The following CBLN2 variants were observed in gnomAD, a reference collection of about 807,000 sequenced individuals.
The protein encoded by CBLN2 is cerebellin-2.
In CBLN2, 7 loss-of-function variants were observed where a neutral mutation model predicts 15.0. The observed-to-expected ratio is 0.47, with a 90% CI of 0.27 to 0.88. The LOEUF (loss-of-function observed/expected upper bound fraction) is 0.88, where lower values mean the gene tolerates loss of function less well. Among genes scored for constraint, CBLN2 ranks in the 40% least tolerant of loss-of-function variants. The pLI is 0.14. For missense variants in CBLN2, 242 were observed against 304.5 expected (o/e 0.79, Z 1.53); for synonymous variants, 149 against 135.2 (o/e 1.10, Z -0.71).
chr18:72,554,177 T>C (rs910237537), intron 1 of CBLN2, among the ~76,000 whole-genome samples: 1 of 152,196 alleles, frequency 6.6e-6, no homozygotes, highest in Non-Finnish European at 1.5e-5. Context: ...CTGTTTTCAT[T>C]ACCCTTTTTT....
chr18:72,616,942 C>T (rs2069666595), intron 1 of CBLN2, among the ~76,000 whole-genome samples: 1 of 151,960 alleles, frequency 6.6e-6, no homozygotes, highest in Non-Finnish European at 1.5e-5. Context: ...ATGGTATTGT[C>T]GAATTAAATC....
intron 1 of CBLN2, among the ~76,000 whole-genome samples, chr18:72,621,663 C>T (rs1185021738): frequency 1.3e-5 from 2 of 152,158 alleles, no homozygotes; most frequent in East Asian, 3.9e-4. Flanking sequence ...TGGTCATTTC[C>T]AGATATTGTT....
chr18:72,621,689 C>G (rs1051770524), intron 1 of CBLN2, among the ~76,000 whole-genome samples: 4 of 152,138 alleles, frequency 2.6e-5, no homozygotes, highest in African/African-American at 9.7e-5. Context: ...TACCCTGAAG[C>G]TTTCGTGAAA....
rs2069076997 is a variant in CBLN2 at position 72,537,855 on chromosome 18, C to T, written c.*321G>A. Reference sequence around the variant, plus strand: ...TTGGGACGACAATACAACATACAAACAAAAGAGGTCCATGGTCCCAACAAT... The same window carrying T: ...TTGGGACGACAATACAACATACAAATAAAAGAGGTCCATGGTCCCAACAAT... On this transcript the variant is annotated 3_prime_UTR_variant, in exon 5 of 5. Coordinates refer to ENST00000269503, the MANE Select transcript of CBLN2 (RefSeq NM_182511.4). The T allele has an allele frequency of 5.3e-6, 2 of 374,468 alleles. No homozygotes were observed. The highest frequency in any genetic ancestry group is 2.1e-5 in the African/African-American group (1 of 48,388). 23.2% of individuals were successfully genotyped at this position (374,468 alleles called of 1,614,324 possible).
intron 1 of CBLN2, among the ~76,000 whole-genome samples, chr18:72,633,222 A>G (rs981769795): frequency 6.6e-6 from 1 of 152,172 alleles, no homozygotes; most frequent in African/African-American, 2.4e-5. Flanking sequence ...CAAATTTTGC[A>G]AAGCAGACTT....
intron 1 of CBLN2, among the ~76,000 whole-genome samples, chr18:72,564,744 A>G (rs1197639575): frequency 6.6e-6 from 1 of 152,188 alleles, no homozygotes; most frequent in African/African-American, 2.4e-5. Flanking sequence ...TAATAAAATG[A>G]TAGCTAAAAA....
chr18:72,634,558 A>T (rs920923908), intron 1 of CBLN2, among the ~76,000 whole-genome samples: 3 of 152,138 alleles, frequency 2.0e-5, no homozygotes, highest in African/African-American at 7.2e-5. Context: ...AAAGGATGTG[A>T]TGGACGTGCA....
chr18:72,634,542 C>A (rs2069799297), intron 1 of CBLN2, among the ~76,000 whole-genome samples: 1 of 151,972 alleles, frequency 6.6e-6, no homozygotes, highest in Admixed American at 6.6e-5. Flanking sequence ...GAGGGAATTA[C>A]AATACAAAGG....
chr18:72,620,341 T>G (rs1371541036), intron 1 of CBLN2: 1 of 151,928 alleles, frequency 6.6e-6, no homozygotes, highest in Non-Finnish European at 1.5e-5. Context: ...TGAAGGATGG[T>G]GAATGTAGAC....
chr18:72,578,765 A>C (rs1599008204), intron 1 of CBLN2, among the ~76,000 whole-genome samples: 1 of 152,202 alleles, frequency 6.6e-6, no homozygotes, highest in African/African-American at 2.4e-5. Flanking sequence ...TTAGTGTGCT[A>C]CCTGCCTAGA....
intron 1 of CBLN2, among the ~76,000 whole-genome samples, chr18:72,620,898 AAAAAG>A (rs1376051003): frequency 6.6e-6 from 1 of 152,210 alleles, no homozygotes; most frequent in African/African-American, 2.4e-5. Context: ...TTCACATTAT[AAAAAG>A]AAAAGTGCTA....
In CBLN2 at chr18:72,537,758, C is replaced by A. The variant is rs949605912; in HGVS notation, c.*418G>T. Reference sequence around the variant, plus strand: ...GTCAAGGACTGTCCAGCAGGTGGTTCTTTGCTGGGCTCCTACTTCAAGCCC... The same window carrying A: ...GTCAAGGACTGTCCAGCAGGTGGTTATTTGCTGGGCTCCTACTTCAAGCCC... On this transcript the variant is annotated 3_prime_UTR_variant, in exon 5 of 5. Coordinates refer to ENST00000269503, the MANE Select transcript of CBLN2 (RefSeq NM_182511.4). The A allele has an allele frequency of 3.8e-6, 1 of 263,886 alleles. No homozygotes were observed. Among genetic ancestry groups the A allele is most frequent in the Admixed American group, 5.1e-5 (1 of 19,606 alleles). The allele number at this position is 263,886 out of a possible 1,614,324, so 16.3% of individuals were successfully genotyped here.
At chr18:72,590,264 C>CA (rs1323174557) in intron 1 of CBLN2, among the ~76,000 whole-genome samples, 1 of 141,066 alleles carries the variant, frequency 7.1e-6, no homozygotes, top group Non-Finnish European at 1.5e-5. Context: ...GACTCCGTCT[C>CA]AAAAAAACAA....
At chr18:72,623,281 C>G (rs775153730) in intron 1 of CBLN2, among the ~76,000 whole-genome samples, 12 of 152,062 alleles carry the variant, frequency 7.9e-5, no homozygotes, top group Non-Finnish European at 1.6e-4. Context: ...AACCATATGA[C>G]CTGGTAAACA....
intron 1 of CBLN2, among the ~76,000 whole-genome samples, chr18:72,615,001 C>A (rs1374395832): frequency 7.0e-6 from 1 of 143,124 alleles, no homozygotes; most frequent in African/African-American, 2.6e-5. Context: ...CATAGGTGGG[C>A]TGTTTGTCAC....
chr18:72,612,242 T>C (rs1317325324), intron 1 of CBLN2, among the ~76,000 whole-genome samples: 2 of 152,218 alleles, frequency 1.3e-5, no homozygotes, highest in African/African-American at 4.8e-5. Flanking sequence ...TGGTTTCACA[T>C]GAATTTTAGA....
chr18:72,568,777 G>A (rs974366645), intron 1 of CBLN2, among the ~76,000 whole-genome samples: 11 of 152,064 alleles, frequency 7.2e-5, no homozygotes, highest in Non-Finnish European at 1.6e-4. Context: ...ATCAGCCATG[G>A]TAATATTTAT....
chr18:72,549,949 C>A (rs370150811), intron 1 of CBLN2, among the ~76,000 whole-genome samples: 7 of 152,088 alleles, frequency 4.6e-5, no homozygotes, highest in African/African-American at 1.4e-4. Context: ...AAAGGTATTG[C>A]GGTTCCTAAC....
intron 1 of CBLN2, among the ~76,000 whole-genome samples, chr18:72,602,158 T>C (rs954834966): frequency 6.6e-6 from 1 of 152,222 alleles, no homozygotes; most frequent in African/African-American, 2.4e-5. Context: ...GAAGTGGTGC[T>C]AGTGGGACTT....
Sources: allele counts gnomAD v4.1 joint callset (sites outside exome capture counted in the v4.1 genomes callset), GRCh38; gene constraint gnomAD v4.1.1; transcripts MANE v1.5; gene names NCBI Gene and HGNC (gene_info 2026-07-23, HGNC 2026-07-21).